PPIG: variants seen among roughly 807,000 people sequenced by gnomAD.
The protein encoded by PPIG is peptidyl-prolyl cis-trans isomerase G.
PPIG carries 26 observed loss-of-function variants against 87.9 expected under a neutral mutation model. The observed-to-expected ratio is 0.30, with a 90% CI of 0.22 to 0.41. The LOEUF (loss-of-function observed/expected upper bound fraction) is 0.41. Among genes scored for constraint, PPIG ranks in the 10% least tolerant of loss-of-function variants. The pLI is 1.00. For synonymous variants in PPIG, 308 were observed against 276.5 expected (o/e 1.11, Z -1.13); for missense variants, 722 against 879.4 (o/e 0.82, Z 2.26).
intron 7 of PPIG, among the ~76,000 whole-genome samples, 163 bp from the exon 8 acceptor site, chr2:169,614,301 G>A (rs1685560332): frequency 6.6e-6 from 1 of 152,132 alleles, no homozygotes; most frequent in Non-Finnish European, 1.5e-5. Flanking sequence ...TTTGCCTTCT[G>A]TTCTACTTAA....
In PPIG at chr2:169,636,983, G is replaced by A; in HGVS notation, c.1725G>A (p.Val575=). Residue 575 remains valine (V), a synonymous_variant, in exon 14 of 14, where the codon GTG becomes GTA. Transcript: ENST00000260970. ...RSRSRDRSRR[V]RSRTHDRDRS... Reference sequence around the variant, plus strand: ...GAAGTAGGGACAGAAGCAGAAGAGTGCGATCAAGAACCCATGACAGAGATC... The same window carrying A: ...GAAGTAGGGACAGAAGCAGAAGAGTACGATCAAGAACCCATGACAGAGATC... The A allele has an allele frequency of 6.2e-7, 1 of 1,613,914 alleles. No homozygotes were observed. Among genetic ancestry groups the A allele is most frequent in the East Asian group, 2.2e-5 (1 of 44,856 alleles).
intron 12 of PPIG, among the ~76,000 whole-genome samples, chr2:169,633,978 GC>G (rs1162266334): frequency 6.6e-6 from 1 of 151,710 alleles, no homozygotes; most frequent in Non-Finnish European, 1.5e-5. Context: ...ACAGGCACAT[GC>G]CACCATGCCC....
chr2:169,604,427 C>T (rs1292206257), intron 4 of PPIG, among the ~76,000 whole-genome samples, 166 bp downstream of exon 4: 1 of 146,534 alleles, frequency 6.8e-6, no homozygotes, highest in Admixed American at 7.1e-5. Context: ...ACATAAGCGT[C>T]CTCAGCTGGG....
chr2:169,626,007 G>C (rs944796684), intron 9 of PPIG, among the ~76,000 whole-genome samples: 1 of 152,134 alleles, frequency 6.6e-6, no homozygotes, highest in Non-Finnish European at 1.5e-5. Flanking sequence ...ACCTTCTGCT[G>C]TGTGACCTGG....
intron 1 of PPIG, among the ~76,000 whole-genome samples, chr2:169,603,066 C>G (rs1040372771): frequency 3.3e-5 from 5 of 152,012 alleles, no homozygotes; most frequent in African/African-American, 1.2e-4. Flanking sequence ...ACTGAGTATT[C>G]AAGGGAATGG....
rs1194107516 is a variant in PPIG at position 169,640,057 on chromosome 2, G to C, written c.*2534G>C. ...TTGTATGAATTATTTTTCTGGGTAA[G>C]CCATCTGCCACAGAAATTGACACTA... is the stretch of plus-strand genomic sequence containing the variant. On this transcript the variant is annotated 3_prime_UTR_variant, in exon 14 of 14. Coordinates refer to ENST00000260970, the MANE Select transcript of PPIG (RefSeq NM_004792.3). The C allele has an allele frequency of 3.3e-5, 5 of 152,112 alleles. No individual in the cohort carries two copies. Among genetic ancestry groups the C allele is most frequent in the East Asian group, 1.9e-4 (1 of 5,200 alleles). The allele number at this position is 152,112 out of a possible 1,614,324, so 9.4% of individuals were successfully genotyped here.
At chr2:169,586,955 A>G (rs1263368407) in intron 1 of PPIG, among the ~76,000 whole-genome samples, 1 of 152,068 alleles carries the variant, frequency 6.6e-6, no homozygotes, top group African/African-American at 2.4e-5. Flanking sequence ...TTTTTTTCAG[A>G]CAGAGTCTTG....
At chr2:169,630,742 T>A in intron 9 of PPIG, 32 bp from the exon 10 acceptor site, 1 of 1,543,712 alleles carries the variant, frequency 6.5e-7, no homozygotes, top group Non-Finnish European at 8.8e-7. Context: ...GTCTAAAAAT[T>A]GTTGATCAAA....
chr2:169,601,034 G>T (rs887123641), intron 1 of PPIG, among the ~76,000 whole-genome samples: 1 of 152,166 alleles, frequency 6.6e-6, no homozygotes, highest in African/African-American at 2.4e-5. Context: ...GTATTTTCAA[G>T]ATCTCTCTTT....
At chr2:169,593,234 G>A (rs1016709350) in intron 1 of PPIG, among the ~76,000 whole-genome samples, 24 of 150,706 alleles carry the variant, frequency 1.6e-4, no homozygotes, top group Non-Finnish European at 1.9e-4. Flanking sequence ...TGCTCTTGTC[G>A]TCCAGGGTGG....
intron 7 of PPIG, among the ~76,000 whole-genome samples, chr2:169,612,170 C>A (rs761745349): frequency 1.3e-5 from 2 of 151,988 alleles, no homozygotes; most frequent in Non-Finnish European, 2.9e-5. Flanking sequence ...GTTGTACAAC[C>A]ATCACCACTA....
rs540220051 is a variant in PPIG, at chr2:169,639,073, C to A, written c.*1550C>A. On this transcript the variant is annotated 3_prime_UTR_variant, in exon 14 of 14. Transcript: ENST00000260970. ...ATTAATGCAATATTGATATATTTGG[C>A]GTTGTGGTAGCTGTTGCAGAATGAA... is the stretch of plus-strand genomic sequence containing the variant. 6.6e-6 allele frequency: 1 copy of A among 151,892 alleles called. No individual in the cohort carries two copies. Among genetic ancestry groups the A allele is most frequent in the Non-Finnish European group, 1.5e-5 (1 of 67,890 alleles). The allele number at this position is 151,892 out of a possible 1,614,324, so 9.4% of individuals were successfully genotyped here. A position where few individuals can be genotyped will look rare whatever the true frequency, so the allele number is the denominator to read the frequency against.
At chr2:169,593,650 C>CTTTTTTTTTTTTTTTT (rs57902378) in intron 1 of PPIG, among the ~76,000 whole-genome samples, 1 of 106,204 alleles carries the variant, frequency 9.4e-6, no homozygotes, top group African/African-American at 3.5e-5. Flanking sequence ...TGCTTTATAT[C>CTTTTTTTTTTTTTTTT]TTTTTTTTTT....
intron 7 of PPIG, 88 bp from the exon 8 acceptor site, chr2:169,614,376 T>C: frequency 8.3e-7 from 1 of 1,209,422 alleles, no homozygotes; most frequent in Non-Finnish European, 1.2e-6. Flanking sequence ...TTGTTTCCAA[T>C]ACAGTTATTT....
At chr2:169,586,197 G>C (rs1244917879) in intron 1 of PPIG, among the ~76,000 whole-genome samples, 1 of 152,154 alleles carries the variant, frequency 6.6e-6, no homozygotes, top group African/African-American at 2.4e-5. Flanking sequence ...GATGCTCTGA[G>C]ATCCTATAGG....
intron 9 of PPIG, among the ~76,000 whole-genome samples, chr2:169,616,236 T>C (rs1685604921): frequency 6.6e-6 from 1 of 152,232 alleles, no homozygotes; most frequent in Admixed American, 6.5e-5. Context: ...ATTTTCTTTA[T>C]CCTGTCTATC....
intron 1 of PPIG, among the ~76,000 whole-genome samples, chr2:169,601,410 AAGATGG>A (rs1328582331): frequency 6.6e-6 from 1 of 152,206 alleles, no homozygotes; most frequent in Non-Finnish European, 1.5e-5. Context: ...CTAGTGAGAG[AAGATGG>A]ATATAAAAAT....
At chr2:169,587,881 G>A (rs1021046938) in intron 1 of PPIG, among the ~76,000 whole-genome samples, 1 of 152,100 alleles carries the variant, frequency 6.6e-6, no homozygotes, top group Non-Finnish European at 1.5e-5. Context: ...GATGGCCGGG[G>A]GTGGTGGCTC....
At chr2:169,593,875 T>C (rs13401208) in intron 1 of PPIG, among the ~76,000 whole-genome samples, 2,402 of 151,292 alleles carry the variant, frequency 0.016, 68 homozygotes, top group African/African-American at 0.055. Context: ...CAGGATGATC[T>C]CGATCTCCTG....
Sources: allele counts gnomAD v4.1 joint callset (sites outside exome capture counted in the v4.1 genomes callset), GRCh38; gene constraint gnomAD v4.1.1; transcripts MANE v1.5; gene names NCBI Gene and HGNC (gene_info 2026-07-23, HGNC 2026-07-21).